BNC2: variants seen among roughly 807,000 people sequenced by gnomAD.
BNC2 encodes zinc finger protein basonuclin-2.
Under a neutral mutation model 76.3 loss-of-function variants are expected in BNC2, and 20 were observed. The observed-to-expected ratio is 0.26, with a 90% CI of 0.18 to 0.38. The LOEUF (loss-of-function observed/expected upper bound fraction) is 0.38, where lower values mean the gene tolerates loss of function less well. Ranked by LOEUF, BNC2 falls within the 10% of genes least tolerant of loss-of-function variation. The probability of loss-of-function intolerance (pLI) is 1.00; values close to 1 mark genes in which losing one functional copy is unlikely to be tolerated. For missense variants in BNC2, 1,382 were observed against 1,399.8 expected (o/e 0.99, Z 0.20); for synonymous variants, 582 against 514.8 (o/e 1.13, Z -1.77).
chr9:16,513,469 G>A (rs1822807068), intron 5 of BNC2, among the ~76,000 whole-genome samples: 2 of 151,854 alleles, frequency 1.3e-5, no homozygotes, highest in Non-Finnish European at 2.9e-5. Flanking sequence ...ACCATGCCCC[G>A]CTAATTTTTT....
chr9:16,412,707 GGAGAGAGAGAGGGGA>G lies in BNC2; in HGVS notation c.*6267_*6281del, dbSNP rs1820488696. 1 of 140,186 alleles carries G rather than the reference GGAGAGAGAGAGGGGA, an allele frequency of 7.1e-6. No homozygotes were observed. The highest frequency in any genetic ancestry group is 1.6e-5 in the Non-Finnish European group (1 of 63,624). 8.7% of individuals were successfully genotyped at this position (140,186 alleles called of 1,614,324 possible). ...GTTAGGAGGGGAGAATAAGAGGGAA[GGAGAGAGAGAGGGGA>G]GAGAGAGAGAGAGAGAGAGAGAGAG... On this transcript the variant is annotated 3_prime_UTR_variant, in exon 7 of 7. Transcript: ENST00000380672.
At chr9:16,630,385 G>C (rs991015300) in intron 3 of BNC2, among the ~76,000 whole-genome samples, 6 of 152,150 alleles carry the variant, frequency 3.9e-5, no homozygotes, top group Non-Finnish European at 7.3e-5. Flanking sequence ...TTAAAACTCA[G>C]TTATTAATAA....
At chr9:16,717,306 T>C (rs1243169069) in intron 3 of BNC2, among the ~76,000 whole-genome samples, 1 of 152,184 alleles carries the variant, frequency 6.6e-6, no homozygotes, top group Non-Finnish European at 1.5e-5. Context: ...AATCCAAGAC[T>C]AAACTTACTT....
chr9:16,579,811 T>C (rs1819582209), intron 4 of BNC2: 1 of 278,036 alleles, frequency 3.6e-6, no homozygotes, highest in Non-Finnish European at 6.6e-6. Flanking sequence ...AAGGATAATT[T>C]ATTCAAGAAA....
At chr9:16,744,650 T>A (rs1240956972) in intron 1 of BNC2, among the ~76,000 whole-genome samples, 1 of 152,110 alleles carries the variant, frequency 6.6e-6, no homozygotes. Context: ...TTTCCATGGG[T>A]GGGGTTTAAA....
chr9:16,495,122 A>T (rs1232606716), intron 5 of BNC2, among the ~76,000 whole-genome samples: 3 of 152,214 alleles, frequency 2.0e-5, no homozygotes, highest in Non-Finnish European at 4.4e-5. Flanking sequence ...GCAGAGATCC[A>T]AGTGGATAGG....
chr9:16,667,368 T>A (rs975982857), intron 3 of BNC2, among the ~76,000 whole-genome samples: 1 of 152,168 alleles, frequency 6.6e-6, no homozygotes, highest in Non-Finnish European at 1.5e-5. Flanking sequence ...AGTTCCATGA[T>A]CTCCTCAACT....
chr9:16,727,848 C>T lies in BNC2; in HGVS notation c.279G>A (p.Met93Ile). The change falls in exon 3 of 7, where the codon ATG (methionine) becomes ATA (isoleucine). Residue 93 changes from methionine (M) to isoleucine (I), a missense_variant. Physicochemically the swap from Met to Ile is conservative, Grantham distance 10 (BLOSUM62 1). Transcript: ENST00000380672. ...TAGTATCAGCGTTTTGCCATGTCCC[C>T]ATGAACCCTGGTTCAGCCGTAGTCG... ...TRTTTAEPGF[M>I]GTWQNADTNL... is the part of the protein sequence containing the mutation. 6.2e-7 allele frequency: 1 copy of T among 1,614,178 alleles called. No homozygotes were observed. Among genetic ancestry groups the T allele is most frequent in the Non-Finnish European group, 8.5e-7 (1 of 1,180,042 alleles).
chr9:16,471,778 T>C (rs575463424), intron 5 of BNC2, among the ~76,000 whole-genome samples: 13 of 152,222 alleles, frequency 8.5e-5, no homozygotes, highest in Admixed American at 7.8e-4. Context: ...CAGAATGATA[T>C]GGTTTGGCTG....
At chr9:16,465,780 T>C (rs1213078068) in intron 5 of BNC2, among the ~76,000 whole-genome samples, 2 of 152,164 alleles carry the variant, frequency 1.3e-5, no homozygotes. Flanking sequence ...ACTTAGGAGA[T>C]GACTGGTACA....
At chr9:16,826,791 A>T (rs2135987394) in intron 1 of BNC2, among the ~76,000 whole-genome samples, 1 of 152,302 alleles carries the variant, frequency 6.6e-6, no homozygotes, top group South Asian at 2.1e-4. Flanking sequence ...TATGGAAAAT[A>T]GCCTAAAGAC....
chr9:16,495,352 T>C (rs1431426089), intron 5 of BNC2, among the ~76,000 whole-genome samples: 1 of 152,210 alleles, frequency 6.6e-6, no homozygotes, highest in Non-Finnish European at 1.5e-5. Context: ...AGTGAGATCA[T>C]GCCATGAACT....
At chr9:16,748,452 T>C (rs574594008) in intron 1 of BNC2, among the ~76,000 whole-genome samples, 3 of 152,224 alleles carry the variant, frequency 2.0e-5, no homozygotes, top group East Asian at 3.9e-4. Flanking sequence ...TGGTCGAGGC[T>C]ACAGTGAGTC....
At chr9:16,443,698 C>T (rs977724555) in intron 5 of BNC2, among the ~76,000 whole-genome samples, 3 of 152,092 alleles carry the variant, frequency 2.0e-5, no homozygotes, top group Admixed American at 6.5e-5. Flanking sequence ...ACAACATGGA[C>T]GACTCTTCAA....
chr9:16,824,891 G>A (rs1025104621), intron 1 of BNC2, among the ~76,000 whole-genome samples: 3 of 152,082 alleles, frequency 2.0e-5, no homozygotes, highest in Non-Finnish European at 4.4e-5. Context: ...GATTGTTTGG[G>A]AGGGGAGGGG....
chr9:16,477,297 A>T (rs1182805107), intron 5 of BNC2, among the ~76,000 whole-genome samples: 1 of 152,144 alleles, frequency 6.6e-6, no homozygotes, highest in African/African-American at 2.4e-5. Flanking sequence ...GCAGCTTCGG[A>T]ATACTCTTTG....
intron 1 of BNC2, among the ~76,000 whole-genome samples, chr9:16,763,251 A>G (rs187993922): frequency 6.6e-6 from 1 of 152,150 alleles, no homozygotes; most frequent in East Asian, 1.9e-4. Context: ...TGTGGTCCAT[A>G]CCCCCACAAA....
At chr9:16,572,695 T>C (rs1563845217) in intron 4 of BNC2, among the ~76,000 whole-genome samples, 2 of 152,108 alleles carry the variant, frequency 1.3e-5, no homozygotes, top group Non-Finnish European at 2.9e-5. Flanking sequence ...GGAATCCCAC[T>C]TTCTTGATGA....
intron 6 of BNC2, among the ~76,000 whole-genome samples, chr9:16,434,003 A>G (rs1340693612): frequency 6.6e-6 from 1 of 152,202 alleles, no homozygotes; most frequent in East Asian, 1.9e-4. Flanking sequence ...TTCAAAATAT[A>G]GCTATCTTAT....
Sources: allele counts gnomAD v4.1 joint callset (sites outside exome capture counted in the v4.1 genomes callset), GRCh38; gene constraint gnomAD v4.1.1; transcripts MANE v1.5; gene names NCBI Gene and HGNC (gene_info 2026-07-23, HGNC 2026-07-21).